The following UBE3C variants were observed in gnomAD, a reference collection of about 807,000 sequenced individuals.
The protein encoded by UBE3C is ubiquitin protein ligase E3C.
A neutral mutation model predicts 129.4 loss-of-function variants in UBE3C; 42 were observed. The ratio of observed to expected loss-of-function variants is 0.32; its 90% CI spans 0.25 to 0.42. The LOEUF (loss-of-function observed/expected upper bound fraction) is 0.42, where lower values mean the gene tolerates loss of function less well. UBE3C is among the 10% of genes least tolerant of loss of function. The probability of loss-of-function intolerance (pLI) is 1.00; values close to 1 mark genes in which losing one functional copy is unlikely to be tolerated. For synonymous variants in UBE3C, 510 were observed against 492.4 expected, an observed-to-expected ratio of 1.04 and a Z score of -0.47; for missense variants, 1,049 against 1,319.1, an observed-to-expected ratio of 0.80 and a Z score of 3.17.
In UBE3C at chr7:157,169,673, G is replaced by A. The variant is rs772644259; in HGVS notation, c.195+551G>A. Among the ~76,000 whole-genome samples the A allele has an allele frequency of 3.9e-4, 59 of 151,786 alleles. 1 individual carries two copies. The highest frequency in any genetic ancestry group is 1.1e-3 in the Admixed American group (17 of 15,236). On this transcript the variant is annotated intron_variant, in intron 3 of 22. Coordinates refer to ENST00000348165, the MANE Select transcript of UBE3C (RefSeq NM_014671.3). The stretch of plus-strand genomic sequence containing the variant: ...TTACAAGCATAAGCCACTGCGCCTG[G>A]CCTGTTTTTGTTTTGTTTTTTGTTT...
At chr7:157,199,354 C>G (rs1386779164) in intron 10 of UBE3C, among the ~76,000 whole-genome samples, 1 of 152,040 alleles carries the variant, frequency 6.6e-6, no homozygotes, top group Non-Finnish European at 1.5e-5. Context: ...TCTTATCAGG[C>G]ATATGGTAAG....
rs60535165 is a variant in UBE3C, at chr7:157,247,980, A to T, written c.2482-388A>T. 1.1e-4 allele frequency among the ~76,000 whole-genome samples: 16 copies of T among 152,266 alleles called. No homozygotes were observed. The East Asian group carries it at 2.7e-3, about 26-fold the overall frequency. The stretch of plus-strand genomic sequence containing the variant: ...CGAGGCGTGAGTTCATGTGGTTTTC[A>T]GTCTCGCAGTGTGTGATCATTTGCC... On this transcript the variant is annotated intron_variant, in intron 18 of 22. Transcript: ENST00000348165.
chr7:157,242,913 G>C (rs1347919493), intron 18 of UBE3C, among the ~76,000 whole-genome samples: 2 of 152,072 alleles, frequency 1.3e-5, no homozygotes, highest in African/African-American at 4.8e-5. Flanking sequence ...AAATAAGCTG[G>C]GCGTGGTGGT....
intron 22 of UBE3C, among the ~76,000 whole-genome samples, chr7:157,257,901 T>C (rs935071795): frequency 6.6e-6 from 1 of 151,490 alleles, no homozygotes; most frequent in African/African-American, 2.4e-5. Context: ...ATGTGATTTG[T>C]GCTTATGAAA....
Position 157,175,036 on chromosome 7 carries a change from TAA to T in UBE3C, c.458+5_458+6del. 1 of 1,607,754 alleles carries T rather than the reference TAA, an allele frequency of 6.2e-7. No individual in the cohort carries two copies. The highest frequency in any genetic ancestry group is 2.2e-5 in the East Asian group (1 of 44,736). On this transcript the variant is annotated splice_donor_region_variant and intron_variant, in intron 5 of 22. Transcript: ENST00000348165. The stretch of plus-strand genomic sequence containing the variant: ...AAGATTGATGAGCCTCTGTTGCAGG[TAA>T]AATTCTATTGTAAGTCAGTAACGTA...
chr7:157,231,096 G>A lies in UBE3C; in HGVS notation c.2250G>A (p.Lys750=), dbSNP rs764379994. The A allele has an allele frequency of 2.5e-6, 4 of 1,613,330 alleles. No individual in the cohort carries two copies. Among genetic ancestry groups the A allele is most frequent in the East Asian group, 2.2e-5 (1 of 44,864 alleles). ...TTTTAACAGAGCCTGATTTGAAAAA[G>A]CGGATCCGTGTGCACTTGCTCAATG... ...LSPENEPDLK[K]RIRVHLLNAH... is the part of the protein sequence containing the mutation. Residue 750 remains lysine, a synonymous_variant, in exon 18 of 23, where the codon AAG becomes AAA. Coordinates refer to ENST00000348165, the MANE Select transcript of UBE3C (RefSeq NM_014671.3).
intron 22 of UBE3C, among the ~76,000 whole-genome samples, chr7:157,265,856 C>G (rs752353708): frequency 1.3e-5 from 2 of 152,206 alleles, no homozygotes; most frequent in African/African-American, 2.4e-5. Context: ...CCTTTAAATA[C>G]CAGAACGTCA....
At chr7:157,211,261 A>G (rs1229353711) in intron 13 of UBE3C, among the ~76,000 whole-genome samples, 1 of 151,488 alleles carries the variant, frequency 6.6e-6, no homozygotes, top group African/African-American at 2.4e-5. Context: ...CCAAAAAGCT[A>G]TTTTTAAAAA....
At chr7:157,198,040 A>G in intron 10 of UBE3C, 1 of 1,606,300 alleles carries the variant, frequency 6.2e-7, no homozygotes, top group South Asian at 1.1e-5. Flanking sequence ...TGAACAAGGC[A>G]CTGAAGCTCC....
At chr7:157,168,448 CAA>C (rs1808277057) in intron 2 of UBE3C, among the ~76,000 whole-genome samples, 2 of 152,024 alleles carry the variant, frequency 1.3e-5, no homozygotes, top group African/African-American at 4.8e-5. Flanking sequence ...GGTTTATGCT[CAA>C]GAGAAATGAA....
At chr7:157,189,045 T>C in intron 10 of UBE3C, 1 of 441,714 alleles carries the variant, frequency 2.3e-6, no homozygotes, top group Non-Finnish European at 4.1e-6. Flanking sequence ...GGACAGTATG[T>C]AGAAGAACCG....
At chr7:157,145,901 A>G (rs762187435) in intron 1 of UBE3C, among the ~76,000 whole-genome samples, 2 of 152,108 alleles carry the variant, frequency 1.3e-5, no homozygotes, top group Non-Finnish European at 2.9e-5. Flanking sequence ...GTGACATTGG[A>G]GAACTATTGA....
chr7:157,138,984 C>T lies in UBE3C; in HGVS notation c.-289C>T, dbSNP rs1807342448. On this transcript the variant is annotated 5_prime_UTR_variant, in exon 1 of 23. Coordinates refer to ENST00000348165, the MANE Select transcript of UBE3C (RefSeq NM_014671.3). ...CCGAGGCGGCAGTTCCAGGTGCAAG[C>T]GCCGGGTTTGCTGCCCGCTGGGCGC... 6.5e-6 allele frequency: 1 copy of T among 152,858 alleles called. No individual in the cohort carries two copies. The highest frequency in any genetic ancestry group is 2.1e-4 in the South Asian group (1 of 4,852). The allele number at this position is 152,858 out of a possible 1,614,324, so 9.5% of individuals were successfully genotyped here. A position where few individuals can be genotyped will look rare whatever the true frequency, so the allele number is the denominator to read the frequency against.
chr7:157,139,169 C>T lies in UBE3C; in HGVS notation c.-104C>T, dbSNP rs1329535267. On this transcript the variant is annotated 5_prime_UTR_variant, in exon 1 of 23. Transcript: ENST00000348165. Reference sequence around the variant, plus strand: ...CCCGGCCGCCGCGTCCTCGCTGCCCCGGGCCGGGCGGGCGGGCGCCGAGAG... The same window carrying T: ...CCCGGCCGCCGCGTCCTCGCTGCCCTGGGCCGGGCGGGCGGGCGCCGAGAG... 17 of 827,060 alleles carry T rather than the reference C, an allele frequency of 2.1e-5. No homozygotes were observed. In the Admixed American group the frequency reaches 3.4e-4, roughly 17 times the overall value. The allele number at this position is 827,060 out of a possible 1,614,324, so 51.2% of individuals were successfully genotyped here.
chr7:157,218,751 C>T (rs907912980), intron 14 of UBE3C, among the ~76,000 whole-genome samples: 4 of 151,994 alleles, frequency 2.6e-5, no homozygotes, highest in Admixed American at 6.6e-5. Flanking sequence ...TGCTGGAGAG[C>T]GAGGAAGCTA....
intron 1 of UBE3C, among the ~76,000 whole-genome samples, chr7:157,163,388 CAA>C (rs367764291): frequency 2.3e-4 from 22 of 95,206 alleles, no homozygotes; most frequent in East Asian, 8.8e-4. Flanking sequence ...GACTCCATCT[CAA>C]AAAAAAAAAA....
At position 157,177,621 on chromosome 7, in the gene UBE3C, C is replaced by A. The variant is rs1808554898; in HGVS notation, c.459-1069C>A. 2.6e-5 allele frequency among the ~76,000 whole-genome samples: 4 copies of A among 152,242 alleles called. No homozygotes were observed. In the South Asian group the frequency reaches 8.3e-4, roughly 32 times the overall value. On this transcript the variant is annotated intron_variant, in intron 5 of 22. Transcript: ENST00000348165. The stretch of plus-strand genomic sequence containing the variant: ...GCACTCGTACACCCCTCGAGAGACA[C>A]CAGTGTGGTGCTGAGGGGAAAGTTG...
chr7:157,182,841 C>T (rs1042309847), intron 8 of UBE3C, among the ~76,000 whole-genome samples: 2 of 152,078 alleles, frequency 1.3e-5, no homozygotes, highest in African/African-American at 2.4e-5. Flanking sequence ...CTCCGCCTCC[C>T]GGGTTCAAGT....
intron 18 of UBE3C, among the ~76,000 whole-genome samples, chr7:157,244,035 A>G (rs1796413145): frequency 6.6e-6 from 1 of 152,144 alleles, no homozygotes; most frequent in Non-Finnish European, 1.5e-5. Flanking sequence ...GTTCAAGACA[A>G]TCCTGGCCAA....
Sources: gnomAD v4.1 joint callset for allele counts (sites outside exome capture counted in the v4.1 genomes callset) on GRCh38, gnomAD v4.1.1 for gene constraint, MANE v1.5 for transcripts, NCBI Gene and HGNC (gene_info 2026-07-23, HGNC 2026-07-21) for gene names.